ITPR1: variants seen among roughly 807,000 people sequenced by gnomAD.
ITPR1 encodes inositol 1,4,5-trisphosphate-gated calcium channel ITPR1.
ITPR1 carries 96 observed loss-of-function variants against 318.4 expected under a neutral mutation model. The ratio of observed to expected loss-of-function variants is 0.30; its 90% CI spans 0.26 to 0.36. ITPR1 has a LOEUF of 0.36. Ranked by LOEUF, ITPR1 falls within the 10% of genes least tolerant of loss-of-function variation. The pLI is 1.00. For synonymous variants in ITPR1, 1,312 were observed against 1,289.9 expected (o/e 1.02, Z -0.37); for missense variants, 2,440 against 3,460.2 (o/e 0.71, Z 7.40).
intron 60 of ITPR1, chr3:4,831,276 C>T: frequency 3.2e-6 from 1 of 316,594 alleles, no homozygotes; most frequent in Non-Finnish European, 6.3e-6. Flanking sequence ...CCAACTTTAC[C>T]TAGAAAAGAA....
intron 52 of ITPR1, among the ~76,000 whole-genome samples, chr3:4,789,400 G>C (rs2047408138): frequency 6.6e-6 from 1 of 152,096 alleles, no homozygotes; most frequent in South Asian, 2.1e-4. Context: ...TCATGAACAT[G>C]GAAACTTTTG....
At chr3:4,696,337 T>C (rs1295718141) in intron 33 of ITPR1, among the ~76,000 whole-genome samples, 1 of 152,234 alleles carries the variant, frequency 6.6e-6, no homozygotes, top group Non-Finnish European at 1.5e-5. Context: ...TTTGCCTATT[T>C]GAGACATTTC....
intron 33 of ITPR1, 129 bp downstream of exon 33, chr3:4,693,870 G>C: frequency 1.1e-6 from 1 of 937,326 alleles, no homozygotes; most frequent in South Asian, 1.8e-5. Flanking sequence ...AGCTCATTTT[G>C]TAGTGGGATT....
At chr3:4,581,164 G>A (rs78318953) in intron 4 of ITPR1, among the ~76,000 whole-genome samples, 6,185 of 152,194 alleles carry the variant, frequency 0.041, 181 homozygotes, top group Non-Finnish European at 0.062. Flanking sequence ...AATCCACCCC[G>A]ACAGCCCAGC....
intron 39 of ITPR1, 94 bp from the exon 40 acceptor site, chr3:4,717,273 C>A: frequency 1.9e-6 from 2 of 1,077,786 alleles, no homozygotes; most frequent in Non-Finnish European, 2.8e-6. Flanking sequence ...TAAGGAGAAA[C>A]GTCAGCAATA....
At chr3:4,666,710 G>T (rs1488825474) in intron 17 of ITPR1, among the ~76,000 whole-genome samples, 2 of 152,202 alleles carry the variant, frequency 1.3e-5, no homozygotes. Flanking sequence ...TGAGCAAGCA[G>T]TCTATCTTGG....
chr3:4,551,562 T>C (rs953214782), intron 4 of ITPR1, among the ~76,000 whole-genome samples: 5 of 152,224 alleles, frequency 3.3e-5, no homozygotes, highest in African/African-American at 1.2e-4. Context: ...AGGGCTGACG[T>C]TGGTTCTTGC....
In ITPR1 at chr3:4,699,806, C is replaced by T; in HGVS notation, c.4408-7C>T. ...TGTAATGCTTAACATACCCACTTGT[C>T]TTCCAGGCCTGTAACAACACTAGTG... On this transcript the variant is annotated splice_region_variant and splice_polypyrimidine_tract_variant and intron_variant, in intron 34 of 61. Coordinates refer to ENST00000649015, the MANE Select transcript of ITPR1 (RefSeq NM_001378452.1). 6.2e-7 allele frequency: 1 copy of T among 1,613,582 alleles called. No individual in the cohort carries two copies. The highest frequency in any genetic ancestry group is 8.5e-7 in the Non-Finnish European group (1 of 1,179,636).
At chr3:4,689,877 G>T (rs1008623695) in intron 31 of ITPR1, among the ~76,000 whole-genome samples, 12 of 152,300 alleles carry the variant, frequency 7.9e-5, no homozygotes, top group Non-Finnish European at 1.0e-4. Context: ...ATCCAAAGGG[G>T]AGGCAGAGAG....
At chr3:4,711,436 G>A (rs2041360735) in intron 38 of ITPR1, 1 of 222,842 alleles carries the variant, frequency 4.5e-6, no homozygotes, top group Admixed American at 5.5e-5. Flanking sequence ...ATTCTCAGTG[G>A]ATAAATAGCC....
intron 34 of ITPR1, among the ~76,000 whole-genome samples, chr3:4,697,732 G>T (rs533053744): frequency 6.6e-6 from 1 of 152,094 alleles, no homozygotes; most frequent in South Asian, 2.1e-4. Context: ...GATTAGAAGC[G>T]TGAGCCACCA....
chr3:4,555,039 A>G (rs186893069), intron 4 of ITPR1, among the ~76,000 whole-genome samples: 2 of 152,306 alleles, frequency 1.3e-5, no homozygotes, highest in African/African-American at 2.4e-5. Context: ...ATGTGTTTCC[A>G]TCTGTCATAG....
intron 4 of ITPR1, among the ~76,000 whole-genome samples, chr3:4,584,512 A>T (rs1387362188): frequency 6.6e-6 from 1 of 150,918 alleles, no homozygotes; most frequent in African/African-American, 2.4e-5. Flanking sequence ...AGAGGAAGTG[A>T]GGTTGATGTA....
At chr3:4,736,375 G>T (rs2043271437) in intron 44 of ITPR1, among the ~76,000 whole-genome samples, 1 of 152,214 alleles carries the variant, frequency 6.6e-6, no homozygotes, top group Non-Finnish European at 1.5e-5. Context: ...GAGTCAGTGT[G>T]CCCCCGGCCA....
intron 4 of ITPR1, among the ~76,000 whole-genome samples, chr3:4,524,108 G>A (rs2082778012): frequency 6.6e-6 from 1 of 152,194 alleles, no homozygotes; most frequent in Non-Finnish European, 1.5e-5. Flanking sequence ...CTTTGGGAAT[G>A]TAGGTCAGGA....
intron 5 of ITPR1, among the ~76,000 whole-genome samples, chr3:4,632,249 A>T (rs79865812): frequency 1.3e-5 from 2 of 152,216 alleles, no homozygotes; most frequent in African/African-American, 4.8e-5. Context: ...TGGAGGGTCT[A>T]TGTGTCTTTA....
intron 3 of ITPR1, among the ~76,000 whole-genome samples, chr3:4,518,807 C>T (rs533850416): frequency 1.2e-4 from 19 of 152,296 alleles, no homozygotes; most frequent in Middle Eastern, 6.8e-3. Flanking sequence ...CGGTAGCTAA[C>T]GCCTGTAATC....
At chr3:4,718,180 C>A (rs1203558889) in intron 40 of ITPR1, among the ~76,000 whole-genome samples, 2 of 152,222 alleles carry the variant, frequency 1.3e-5, no homozygotes, top group South Asian at 2.1e-4. Context: ...GGTTGTGACA[C>A]ATGCTAGGTA....
intron 10 of ITPR1, 65 bp from the exon 11 acceptor site, chr3:4,652,058 C>T (rs2093609418): frequency 8.1e-7 from 1 of 1,237,028 alleles, no homozygotes; most frequent in African/African-American, 1.5e-5. Context: ...CTTGTGATAC[C>T]TCCGATTTAA....
Sources: gnomAD v4.1 joint callset for allele counts (sites outside exome capture counted in the v4.1 genomes callset) on GRCh38, gnomAD v4.1.1 for gene constraint, MANE v1.5 for transcripts, NCBI Gene and HGNC (gene_info 2026-07-23, HGNC 2026-07-21) for gene names.